MEI4: variants seen among roughly 807,000 people sequenced by gnomAD.
The protein encoded by MEI4 is meiosis-specific protein MEI4.
Under a neutral mutation model 31.4 loss-of-function variants are expected in MEI4, and 27 were observed. That is an observed-to-expected ratio of 0.86 (90% CI 0.63 to 1.19). The LOEUF is 1.19. Among genes scored for constraint, MEI4 ranks in the 50% most tolerant of loss-of-function variants. The pLI, the probability that MEI4 is intolerant of heterozygous loss-of-function variation, is 0.00. For synonymous variants in MEI4, 122 were observed against 145.4 expected (o/e 0.84, Z 1.16); for missense variants, 329 against 398.9 (o/e 0.82, Z 1.49).
intron 4 of MEI4, among the ~76,000 whole-genome samples, chr6:77,888,346 T>TC (rs397765347): frequency 2.7e-5 from 4 of 147,440 alleles, no homozygotes; most frequent in African/African-American, 7.6e-5. Context: ...TTTTTTTTTT[T>TC]CTCTCTTACT....
intron 3 of MEI4, among the ~76,000 whole-genome samples, chr6:77,812,693 C>T (rs1769603263): frequency 6.6e-6 from 1 of 152,048 alleles, no homozygotes; most frequent in African/African-American, 2.4e-5. Flanking sequence ...CAGAACACCA[C>T]AAAAGTGAGC....
chr6:77,903,196 T>G (rs1203245293), intron 4 of MEI4, among the ~76,000 whole-genome samples: 1 of 152,048 alleles, frequency 6.6e-6, no homozygotes, highest in African/African-American at 2.4e-5. Context: ...GGGCTTTCAG[T>G]ACAGAGAGTC....
chr6:77,855,923 C>T (rs1333611387), intron 4 of MEI4, among the ~76,000 whole-genome samples: 1 of 152,058 alleles, frequency 6.6e-6, no homozygotes, highest in Non-Finnish European at 1.5e-5. Context: ...AATCATTCCA[C>T]ATTGAATTTA....
rs548253178 is a variant in MEI4 at position 77,880,239 on chromosome 6, T to G, written c.901-42850T>G. Among the ~76,000 whole-genome samples the G allele has an allele frequency of 8.2e-3, 1,244 of 151,578 alleles. 18 individuals are homozygous for G. Among genetic ancestry groups the G allele is most frequent in the African/African-American group, 0.027 (1,138 of 41,396 alleles). ...TTGTGGGGTTTTTTTTGTTTGTTTT[T>G]TTTTTTTTTGAGACAGAGTCTCACT... On this transcript the variant is annotated intron_variant, in intron 4 of 4. Transcript: ENST00000684080.
At chr6:77,713,376 G>T (rs1344693336) in intron 2 of MEI4, among the ~76,000 whole-genome samples, 3 of 151,430 alleles carry the variant, frequency 2.0e-5, no homozygotes, top group Non-Finnish European at 4.4e-5. Flanking sequence ...GAATTTTTTT[G>T]TTTGTTTGTT....
intron 1 of MEI4, among the ~76,000 whole-genome samples, chr6:77,676,002 A>G (rs1768838105): frequency 6.6e-6 from 1 of 152,156 alleles, no homozygotes. Flanking sequence ...CCTCAGTTAT[A>G]CAATCATAGT....
chr6:77,803,948 A>T (rs6933951), intron 3 of MEI4, among the ~76,000 whole-genome samples: 35 of 152,070 alleles, frequency 2.3e-4, no homozygotes, highest in African/African-American at 8.4e-4. Flanking sequence ...CCGTCTGTCC[A>T]TTCTCAGATC....
intron 2 of MEI4, among the ~76,000 whole-genome samples, chr6:77,753,380 T>G (rs1767830292): frequency 6.6e-6 from 1 of 151,676 alleles, no homozygotes; most frequent in African/African-American, 2.4e-5. Context: ...ATCCAGAATC[T>G]ACAAAGAACT....
intron 1 of MEI4, among the ~76,000 whole-genome samples, chr6:77,690,161 G>A (rs9448148): frequency 6.6e-6 from 1 of 151,928 alleles, no homozygotes; most frequent in Non-Finnish European, 1.5e-5. Context: ...CAGGTAAAAG[G>A]TTCATTAAGG....
chr6:77,816,241 G>C (rs1470963361), intron 3 of MEI4, among the ~76,000 whole-genome samples: 9 of 152,010 alleles, frequency 5.9e-5, no homozygotes, highest in African/African-American at 1.2e-4. Flanking sequence ...TTTTAGCATA[G>C]TTGATTATGA....
At chr6:77,711,620 C>T (rs1191844480) in intron 2 of MEI4, among the ~76,000 whole-genome samples, 1 of 152,152 alleles carries the variant, frequency 6.6e-6, no homozygotes, top group Non-Finnish European at 1.5e-5. Context: ...GGAAGTGCTG[C>T]TGGCACAGCT....
intron 2 of MEI4, among the ~76,000 whole-genome samples, chr6:77,704,264 C>T (rs1444421515): frequency 1.3e-5 from 2 of 152,100 alleles, no homozygotes; most frequent in Non-Finnish European, 2.9e-5. Context: ...CCCCCAGTGC[C>T]CTTTATTCAG....
In MEI4 at chr6:77,820,893, G is replaced by A. The variant is rs1769808275; in HGVS notation, c.769-8038G>A. Among the ~76,000 whole-genome samples, 2 of 151,882 alleles carry A rather than the reference G, an allele frequency of 1.3e-5. No individual in the cohort carries two copies. Among genetic ancestry groups the A allele is most frequent in the African/African-American group, 2.4e-5 (1 of 41,460 alleles). On this transcript the variant is annotated intron_variant, in intron 3 of 4. Transcript: ENST00000684080. This position sits in a 1 kb window ranked among gnomAD's most constrained non-coding sequence, Gnocchi z 4.5. Reference sequence around the variant, plus strand: ...TTTTTCCCATGTCGTTTCTTCTCCAGTAGTCTCTCTTAGTTTTTTTCTTTT... The same window carrying A: ...TTTTTCCCATGTCGTTTCTTCTCCAATAGTCTCTCTTAGTTTTTTTCTTTT...
intron 4 of MEI4, among the ~76,000 whole-genome samples, chr6:77,877,541 G>A (rs921996479): frequency 3.3e-5 from 5 of 151,850 alleles, no homozygotes; most frequent in East Asian, 1.9e-4. Flanking sequence ...ACTCACATAC[G>A]TATCTATGTA....
intron 3 of MEI4, among the ~76,000 whole-genome samples, chr6:77,825,013 T>C (rs1769909226): frequency 6.8e-6 from 1 of 147,378 alleles, no homozygotes. Context: ...ATCTCAACTT[T>C]TTTTGTTAAA....
rs760434497 is a variant in MEI4, at chr6:77,926,146, C to G, written c.*2800C>G. The G allele has an allele frequency of 6.6e-6, 1 of 151,978 alleles. No homozygotes were observed. The highest frequency in any genetic ancestry group is 1.5e-5 in the Non-Finnish European group (1 of 67,974). 9.4% of individuals were successfully genotyped at this position (151,978 alleles called of 1,614,324 possible). A position where few individuals can be genotyped will look rare whatever the true frequency, so the allele number is the denominator to read the frequency against. On this transcript the variant is annotated 3_prime_UTR_variant, in exon 5 of 5. Coordinates refer to ENST00000684080, the MANE Select transcript of MEI4 (RefSeq NM_001322247.2). ...GCACTTCAGTAAACTTTCACAAACA[C>G]AGCTTCTTTGCAATTGTCATCAAAG...
At position 77,923,565 on chromosome 6, in the gene MEI4, CCTTATTCCCATGTAACTGTA is replaced by C; in HGVS notation, c.*220_*239del. On this transcript the variant is annotated 3_prime_UTR_variant, in exon 5 of 5. Coordinates refer to ENST00000684080, the MANE Select transcript of MEI4 (RefSeq NM_001322247.2). ...AGCCAGTTTCGGTTGGTAATGCCAT[CCTTATTCCCATGTAACTGTA>C]TCTTATTTCACTCAATATAGTTTAG... 1 of 325,248 alleles carries C rather than the reference CCTTATTCCCATGTAACTGTA, an allele frequency of 3.1e-6. No homozygotes were observed. Among genetic ancestry groups the C allele is most frequent in the Middle Eastern group, 8.4e-4 (1 of 1,188 alleles). The allele number at this position is 325,248 out of a possible 1,614,324, so 20.1% of individuals were successfully genotyped here.
At chr6:77,769,063 C>A (rs1374991634) in intron 3 of MEI4, among the ~76,000 whole-genome samples, 1 of 152,086 alleles carries the variant, frequency 6.6e-6, no homozygotes, top group Non-Finnish European at 1.5e-5. Flanking sequence ...TATAATAGTA[C>A]CTGATTTTAA....
Position 77,925,482 on chromosome 6 carries a change from T to G in MEI4, c.*2136T>G, listed in dbSNP as rs187918180. The G allele has an allele frequency of 5.3e-4, 80 of 151,926 alleles. 2 individuals are homozygous for G. The highest frequency in any genetic ancestry group is 1.4e-3 in the African/African-American group (59 of 41,504). The allele number at this position is 151,926 out of a possible 1,614,324, so 9.4% of individuals were successfully genotyped here. ...AGATAAAATGATAAAATGAGACATT[T>G]TTATCTGTGTTTCAGTAAAGCAGTG... On this transcript the variant is annotated 3_prime_UTR_variant, in exon 5 of 5. Coordinates refer to ENST00000684080, the MANE Select transcript of MEI4 (RefSeq NM_001322247.2).
Sources: allele counts gnomAD v4.1 joint callset (sites outside exome capture counted in the v4.1 genomes callset), GRCh38; gene constraint gnomAD v4.1.1; non-coding constraint Gnocchi (gnomAD v3.1); transcripts MANE v1.5; gene names NCBI Gene and HGNC (gene_info 2026-07-23, HGNC 2026-07-21).